Variants in CDH2 observed in about 807,000 individuals in gnomAD.
CDH2 encodes cadherin-2.
Under a neutral mutation model 92.0 loss-of-function variants are expected in CDH2, and 17 were observed. That is an observed-to-expected ratio of 0.18 (90% CI 0.13 to 0.28). CDH2 has a LOEUF of 0.28. Ranked by LOEUF, CDH2 falls within the 10% of genes least tolerant of loss-of-function variation. CDH2 has a pLI of 1.00. For synonymous variants in CDH2, 419 were observed against 415.9 expected (o/e 1.01, Z -0.09); for missense variants, 862 against 1,133.1 (o/e 0.76, Z 3.44).
chr18:28,027,296 CTT>C (rs1474993175), intron 2 of CDH2, among the ~76,000 whole-genome samples: 1 of 151,764 alleles, frequency 6.6e-6, no homozygotes, highest in African/African-American at 2.4e-5. Context: ...CAGAATCAAA[CTT>C]GTTGTAGGTT....
At chr18:28,028,059 A>G (rs1260024445) in intron 2 of CDH2, among the ~76,000 whole-genome samples, 1 of 152,060 alleles carries the variant, frequency 6.6e-6, no homozygotes, top group African/African-American at 2.4e-5. Context: ...AATTTTTAAA[A>G]CAGGTTTTTG....
chr18:28,085,850 T>G (rs1202571630), intron 2 of CDH2, among the ~76,000 whole-genome samples: 1 of 152,132 alleles, frequency 6.6e-6, no homozygotes, highest in Non-Finnish European at 1.5e-5. Flanking sequence ...ATTAATTACT[T>G]TCAATATTAT....
intron 14 of CDH2, among the ~76,000 whole-genome samples, chr18:27,971,099 C>T (rs975948480): frequency 1.3e-5 from 2 of 151,974 alleles, no homozygotes; most frequent in African/African-American, 2.4e-5. Flanking sequence ...AGCTGGGCGT[C>T]GTGGCACACG....
intron 2 of CDH2, among the ~76,000 whole-genome samples, chr18:28,101,499 CA>C (rs2015226177): frequency 1.3e-5 from 2 of 152,072 alleles, no homozygotes; most frequent in African/African-American, 2.4e-5. Flanking sequence ...TATATTTCTC[CA>C]AAAGCCACCT....
At chr18:28,047,562 T>C (rs559912920) in intron 2 of CDH2, among the ~76,000 whole-genome samples, 1 of 152,216 alleles carries the variant, frequency 6.6e-6, no homozygotes, top group Non-Finnish European at 1.5e-5. Flanking sequence ...CATAAAGAGA[T>C]TGCTTCCATA....
At chr18:27,972,056 A>T (rs2011675738) in intron 14 of CDH2, among the ~76,000 whole-genome samples, 1 of 152,072 alleles carries the variant, frequency 6.6e-6, no homozygotes, top group Non-Finnish European at 1.5e-5. Flanking sequence ...TGACTCAGAA[A>T]AGTGGCGGGT....
chr18:27,958,264 TTAA>T (rs763029920), intron 15 of CDH2, among the ~76,000 whole-genome samples: 161 of 151,974 alleles, frequency 1.1e-3, no homozygotes, highest in Non-Finnish European at 1.3e-3. Flanking sequence ...GAAATTAAAA[TTAA>T]TTAATAGGAG....
At chr18:27,986,583 A>G (rs976534158) in intron 11 of CDH2, among the ~76,000 whole-genome samples, 3 of 152,170 alleles carry the variant, frequency 2.0e-5, no homozygotes, top group African/African-American at 4.8e-5. Context: ...ACAAATATAT[A>G]ATATGTTTAT....
At chr18:27,999,779 G>C (rs1361485365) in intron 7 of CDH2, among the ~76,000 whole-genome samples, 3 of 151,492 alleles carry the variant, frequency 2.0e-5, no homozygotes, top group Non-Finnish European at 4.4e-5. Context: ...TTGGCTCTGT[G>C]TCCCCACCCA....
intron 1 of CDH2, among the ~76,000 whole-genome samples, chr18:28,149,463 C>A (rs2144330637): frequency 1.3e-5 from 2 of 152,210 alleles, no homozygotes; most frequent in African/African-American, 2.4e-5. Context: ...ATAAATCAAC[C>A]TACAGATGAC....
intron 7 of CDH2, 24 bp from the exon 8 acceptor site, chr18:27,993,661 C>A (rs998771477): frequency 9.0e-6 from 14 of 1,547,402 alleles, no homozygotes; most frequent in Middle Eastern, 1.7e-4. Context: ...AAGATAAGAA[C>A]TTAAATGAAA....
At chr18:28,104,743 A>G (rs1425981564) in intron 2 of CDH2, among the ~76,000 whole-genome samples, 2 of 149,418 alleles carry the variant, frequency 1.3e-5, no homozygotes, top group Non-Finnish European at 1.5e-5. Context: ...ATATATATCT[A>G]TCTTCTATCT....
At chr18:27,968,493 G>A (rs998058872) in intron 14 of CDH2, among the ~76,000 whole-genome samples, 2 of 152,114 alleles carry the variant, frequency 1.3e-5, no homozygotes, top group Non-Finnish European at 2.9e-5. Context: ...TGAGTTCTTC[G>A]GTCTGTGCAC....
At chr18:28,132,516 AG>A (rs2144296703) in intron 2 of CDH2, among the ~76,000 whole-genome samples, 1 of 152,236 alleles carries the variant, frequency 6.6e-6, no homozygotes, top group African/African-American at 2.4e-5. Context: ...AGGGGGCAAA[AG>A]ACAGAGGCAA....
intron 2 of CDH2, among the ~76,000 whole-genome samples, chr18:28,022,321 T>C (rs1361678263): frequency 6.6e-6 from 1 of 152,060 alleles, no homozygotes; most frequent in Non-Finnish European, 1.5e-5. Context: ...GTCATTCCAT[T>C]TTCTTTATAG....
intron 14 of CDH2, among the ~76,000 whole-genome samples, chr18:27,971,974 T>G (rs150544965): frequency 3.3e-5 from 5 of 152,326 alleles, no homozygotes; most frequent in Admixed American, 6.5e-5. Flanking sequence ...TGGGCTTGAT[T>G]GCCCACATTA....
chr18:28,051,845 A>T (rs534818443), intron 2 of CDH2, among the ~76,000 whole-genome samples: 1 of 152,246 alleles, frequency 6.6e-6, no homozygotes, highest in Non-Finnish European at 1.5e-5. Context: ...CATAGCACTA[A>T]TTTTTACTGG....
intron 2 of CDH2, among the ~76,000 whole-genome samples, chr18:28,088,720 G>C (rs774843531): frequency 6.6e-6 from 1 of 152,078 alleles, no homozygotes; most frequent in Non-Finnish European, 1.5e-5. Context: ...TAAGGGGGCG[G>C]GCATGTTCCC....
intron 2 of CDH2, among the ~76,000 whole-genome samples, chr18:28,076,029 A>G (rs1180518612): frequency 4.6e-5 from 7 of 152,186 alleles, no homozygotes; most frequent in Admixed American, 4.6e-4. Context: ...GCCAGATCAC[A>G]CCATCTTCTT....
Sources: gnomAD v4.1 joint callset for allele counts (sites outside exome capture counted in the v4.1 genomes callset) on GRCh38, gnomAD v4.1.1 for gene constraint, MANE v1.5 for transcripts, NCBI Gene and HGNC (gene_info 2026-07-23, HGNC 2026-07-21) for gene names.